The following GRID1 variants were observed in gnomAD, a reference collection of about 807,000 sequenced individuals.
GRID1 encodes glutamate ionotropic receptor delta type subunit 1.
GRID1 carries 28 observed loss-of-function variants against 98.0 expected under a neutral mutation model. That is an observed-to-expected ratio of 0.29 (90% CI 0.21 to 0.39). GRID1 has a LOEUF of 0.39. GRID1 is among the 10% of genes least tolerant of loss of function. GRID1 has a pLI of 1.00. For synonymous variants in GRID1, 553 were observed against 538.5 expected, an observed-to-expected ratio of 1.03 and a Z score of -0.37; for missense variants, 1,111 against 1,340.5, an observed-to-expected ratio of 0.83 and a Z score of 2.67.
chr10:85,996,594 A>C (rs1842741000), intron 4 of GRID1, among the ~76,000 whole-genome samples: 1 of 152,162 alleles, frequency 6.6e-6, no homozygotes, highest in South Asian at 2.1e-4. Flanking sequence ...CCTATGAAAC[A>C]AAAACAAAAG....
intron 3 of GRID1, among the ~76,000 whole-genome samples, chr10:86,202,237 G>A (rs1306294452): frequency 1.3e-5 from 2 of 152,210 alleles, no homozygotes; most frequent in African/African-American, 2.4e-5. Context: ...CATTAGCCAA[G>A]TTACTCCACC....
intron 4 of GRID1, among the ~76,000 whole-genome samples, chr10:86,065,964 T>A (rs1309407947): frequency 6.6e-6 from 1 of 152,238 alleles, no homozygotes; most frequent in African/African-American, 2.4e-5. Flanking sequence ...TGCCTTTCCC[T>A]GCAAGTTAAT....
At chr10:86,031,041 C>A (rs997633519) in intron 4 of GRID1, among the ~76,000 whole-genome samples, 1 of 152,152 alleles carries the variant, frequency 6.6e-6, no homozygotes, top group East Asian at 1.9e-4. Context: ...CCTCCTCAAA[C>A]CCGCCTATAA....
At chr10:86,038,620 G>A (rs939368908) in intron 4 of GRID1, among the ~76,000 whole-genome samples, 1 of 152,184 alleles carries the variant, frequency 6.6e-6, no homozygotes, top group East Asian at 1.9e-4. Context: ...CAAGCTCCAG[G>A]CCCCTTTGCA....
chr10:86,090,833 T>C (rs1264739459), intron 4 of GRID1, among the ~76,000 whole-genome samples: 1 of 152,138 alleles, frequency 6.6e-6, no homozygotes, highest in Non-Finnish European at 1.5e-5. Flanking sequence ...ACTCCAGAAG[T>C]GGGAAAGGGA....
chr10:86,285,183 T>C (rs1847413446), intron 2 of GRID1, among the ~76,000 whole-genome samples: 2 of 149,814 alleles, frequency 1.3e-5, no homozygotes, highest in African/African-American at 4.9e-5. Flanking sequence ...GCACCAGTAG[T>C]GTCAGACTCC....
chr10:86,047,015 C>A (rs1398788514), intron 4 of GRID1, among the ~76,000 whole-genome samples: 1 of 152,346 alleles, frequency 6.6e-6, no homozygotes, highest in Non-Finnish European at 1.5e-5. Context: ...CCAGAGGTTG[C>A]AGGACTTCTC....
At chr10:86,214,771 A>G (rs1252173275) in intron 2 of GRID1, among the ~76,000 whole-genome samples, 1 of 152,232 alleles carries the variant, frequency 6.6e-6, no homozygotes, top group African/African-American at 2.4e-5. Context: ...CGGAAGCCCA[A>G]GGTATGGGAA....
intron 4 of GRID1, among the ~76,000 whole-genome samples, chr10:86,057,616 C>G (rs1843592791): frequency 6.6e-6 from 1 of 152,182 alleles, no homozygotes. Flanking sequence ...GACTAACATC[C>G]CTCAGCACAG....
At chr10:85,805,451 C>T (rs957962319) in intron 8 of GRID1, among the ~76,000 whole-genome samples, 4 of 150,034 alleles carry the variant, frequency 2.7e-5, no homozygotes, top group Non-Finnish European at 5.9e-5. Flanking sequence ...TTTAACAATC[C>T]CCCCCAAAAA....
rs185972478 is a variant in GRID1, at chr10:86,228,876, G to T, written c.236-22228C>A. 3.2e-4 allele frequency among the ~76,000 whole-genome samples: 49 copies of T among 152,298 alleles called. 1 individual carries two copies. Among genetic ancestry groups the T allele is most frequent in the Admixed American group, 2.9e-3 (45 of 15,300 alleles). ...GGGACCCCAGGAGGGACCCCTAAGG[G>T]CATCTTGCATTGGTCTCTTCAACAC... is the stretch of plus-strand genomic sequence containing the variant. On this transcript the variant is annotated intron_variant, in intron 2 of 15. Coordinates refer to ENST00000327946, the MANE Select transcript of GRID1 (RefSeq NM_017551.3).
At chr10:85,878,494 T>A (rs556290032) in intron 5 of GRID1, among the ~76,000 whole-genome samples, 2 of 152,062 alleles carry the variant, frequency 1.3e-5, no homozygotes, top group Non-Finnish European at 2.9e-5. Flanking sequence ...GAATTTTCAA[T>A]CCAGAATTTC....
chr10:85,766,320 T>C (rs1048573441), intron 8 of GRID1, among the ~76,000 whole-genome samples: 2 of 152,148 alleles, frequency 1.3e-5, no homozygotes, highest in Non-Finnish European at 2.9e-5. Flanking sequence ...ACCCCATTTC[T>C]ATAGAAAATT....
In GRID1 at chr10:86,206,675, G is replaced by C; in HGVS notation, c.236-27C>G. On this transcript the variant is annotated intron_variant, in intron 2 of 15. Transcript: ENST00000327946. The surrounding 1 kb of genome is among the most constrained non-coding windows in gnomAD (Gnocchi z 4.1). ...TAGAAAGAGAGAAGAGAGAGAGGAA[G>C]GGGTCAGCATCAGGGCGATGCTGCA... is the stretch of plus-strand genomic sequence containing the variant. 5.6e-6 allele frequency: 9 copies of C among 1,596,194 alleles called. No homozygotes were observed. The highest frequency in any genetic ancestry group is 7.7e-6 in the Non-Finnish European group (9 of 1,167,462).
intron 4 of GRID1, among the ~76,000 whole-genome samples, chr10:86,036,288 C>T (rs1228177710): frequency 2.0e-5 from 3 of 152,178 alleles, no homozygotes; most frequent in African/African-American, 7.2e-5. Context: ...GATTTCTGGC[C>T]TTGGGTCACA....
At chr10:85,757,830 G>A (rs1465343760) in intron 8 of GRID1, among the ~76,000 whole-genome samples, 1 of 152,198 alleles carries the variant, frequency 6.6e-6, no homozygotes, top group African/African-American at 2.4e-5. Flanking sequence ...TCAATGATAA[G>A]CCAACTAAAA....
chr10:85,894,470 G>A (rs1001079174), intron 5 of GRID1, among the ~76,000 whole-genome samples: 1 of 152,172 alleles, frequency 6.6e-6, no homozygotes, highest in African/African-American at 2.4e-5. Context: ...ATCAGAGGTT[G>A]TCTTGAGATT....
intron 2 of GRID1, among the ~76,000 whole-genome samples, chr10:86,330,620 G>A (rs560120985): frequency 3.9e-5 from 6 of 152,208 alleles, no homozygotes; most frequent in Non-Finnish European, 7.3e-5. Flanking sequence ...TCCCCACAGC[G>A]CCGAGCAGCA....
intron 4 of GRID1, among the ~76,000 whole-genome samples, chr10:85,981,449 A>G (rs1842543368): frequency 6.6e-6 from 1 of 152,194 alleles, no homozygotes. Context: ...AAGGGCTACA[A>G]TGCCTACTTG....
Sources: gnomAD v4.1 joint callset for allele counts (sites outside exome capture counted in the v4.1 genomes callset) on GRCh38, gnomAD v4.1.1 for gene constraint, Gnocchi (gnomAD v3.1) non-coding constraint, MANE v1.5 for transcripts, NCBI Gene and HGNC (gene_info 2026-07-23, HGNC 2026-07-21) for gene names.